Variants in SHC1 observed in about 807,000 individuals in gnomAD.
SHC1 encodes the protein SHC-transforming protein 1.
Under a neutral mutation model 55.9 loss-of-function variants are expected in SHC1, and 30 were observed. The ratio of observed to expected loss-of-function variants is 0.54; its 90% CI spans 0.40 to 0.73. SHC1 has a LOEUF of 0.73. Among genes scored for constraint, SHC1 ranks in the 30% least tolerant of loss-of-function variants. The probability of loss-of-function intolerance (pLI) is 0.00; values close to 1 mark genes in which losing one functional copy is unlikely to be tolerated. For synonymous variants in SHC1, 309 were observed against 306.1 expected (o/e 1.01, Z -0.10); for missense variants, 675 against 777.1 (o/e 0.87, Z 1.56).
chr1:154,965,442 C>A (rs746810133), intron 11 of SHC1, 101 bp downstream of exon 11: 4 of 1,612,780 alleles, frequency 2.5e-6, no homozygotes, highest in Non-Finnish European at 3.4e-6. Flanking sequence ...AGCTGCCCAG[C>A]GGGAATGTCT....
chr1:154,963,583 T>G lies in SHC1; in HGVS notation c.*220A>C, dbSNP rs1261392088. On this transcript the variant is annotated 3_prime_UTR_variant, in exon 12 of 12. Coordinates refer to ENST00000448116, the MANE Select transcript of SHC1 (RefSeq NM_001130040.2). ...CCAGGTGAGGGGCCACTCTGTACAT[T>G]AATACTTTGGTGATTAATGTTTGGG... is the stretch of plus-strand genomic sequence containing the variant. 3.8e-6 allele frequency: 2 copies of G among 527,662 alleles called. No individual in the cohort carries two copies. Among genetic ancestry groups the G allele is most frequent in the East Asian group, 6.5e-5 (2 of 30,906 alleles). 32.7% of individuals were successfully genotyped at this position (527,662 alleles called of 1,614,324 possible). A position where few individuals can be genotyped will look rare whatever the true frequency, so the allele number is the denominator to read the frequency against.
At chr1:154,974,340 C>T (rs545853241), upstream of SHC1, 227 of 292,426 alleles carry the variant, frequency 7.8e-4, no homozygotes, top group South Asian at 3.8e-4. Flanking sequence ...AACTTTCTCC[C>T]CGGGCCCTGC....
At chr1:154,970,761 A>C, upstream of SHC1, 1 of 444,748 alleles carries the variant, frequency 2.2e-6, no homozygotes, top group Non-Finnish European at 4.0e-6. The surrounding 1 kb of genome is among the most constrained non-coding windows in gnomAD (Gnocchi z 5.5). Flanking sequence ...TGAGAAGAGA[A>C]CAGGCTGGAC....
At chr1:154,967,174 G>T (rs1033537660) in intron 7 of SHC1, among the ~76,000 whole-genome samples, 2 of 151,874 alleles carry the variant, frequency 1.3e-5, no homozygotes, top group Non-Finnish European at 2.9e-5. Flanking sequence ...CACCATGTAG[G>T]GGGGTGGGGG....
At chr1:154,969,919 C>T (rs569743677) in intron 1 of SHC1, 113 bp downstream of exon 1, 2 of 1,204,118 alleles carry the variant, frequency 1.7e-6, no homozygotes, top group Admixed American at 1.9e-5. Flanking sequence ...AAATAGGACA[C>T]TGAAACGGGG....
intron 11 of SHC1, 39 bp from the exon 12 acceptor site, chr1:154,963,970 G>A (rs369189198): frequency 1.1e-5 from 17 of 1,611,830 alleles, no homozygotes; most frequent in South Asian, 7.7e-5. Flanking sequence ...TTCAGGTGAA[G>A]AGTCAAATAA....
At chr1:154,968,973 T>C in intron 2 of SHC1, 139 bp from the exon 3 acceptor site, 1 of 741,854 alleles carries the variant, frequency 1.3e-6, no homozygotes, top group East Asian at 2.6e-5. Flanking sequence ...TGGATTGAAT[T>C]AAGGGCCTTT....
rs1446946023 is a variant in SHC1, at chr1:154,963,377, GTTTAA to G, written c.*421_*425del. On this transcript the variant is annotated 3_prime_UTR_variant, in exon 12 of 12. Coordinates refer to ENST00000448116, the MANE Select transcript of SHC1 (RefSeq NM_001130040.2). ...CCTAAGAGATGGTCAAAGGCACAAA[GTTTAA>G]ACATGGGGGGGGCGGGTGTTGAGAG... The G allele has an allele frequency of 1.1e-3, 184 of 165,456 alleles. No homozygotes were observed. Among genetic ancestry groups the G allele is most frequent in the Admixed American group, 1.2e-3 (21 of 17,362 alleles). 10.2% of individuals were successfully genotyped at this position (165,456 alleles called of 1,614,324 possible). A position where few individuals can be genotyped will look rare whatever the true frequency, so the allele number is the denominator to read the frequency against.
chr1:154,971,680 A>G (rs12076073), upstream of SHC1, among the ~76,000 whole-genome samples: 23,739 of 152,230 alleles, frequency 0.16, 4,674 homozygotes, highest in African/African-American at 0.47. Flanking sequence ...CACACCAGGG[A>G]AGGAGCCTGG....
chr1:154,968,866 C>A (rs1656368017), intron 2 of SHC1, 32 bp from the exon 3 acceptor site: 2 of 1,590,784 alleles, frequency 1.3e-6, no homozygotes, highest in South Asian at 2.2e-5. Flanking sequence ...GACCCAGCGC[C>A]TGCCTGCCTG....
In SHC1 at chr1:154,966,078, C is replaced by T. The variant is rs1257318094; in HGVS notation, c.1255G>A (p.Gly419Ser). 1.9e-6 allele frequency: 3 copies of T among 1,614,018 alleles called. No homozygotes were observed. Among genetic ancestry groups the T allele is most frequent in the Admixed American group, 1.7e-5 (1 of 60,008 alleles). ...GAGGGATCATCAAAAAGCTCTCTGC[C>T]TGCTGAGGAAAGGGAGGCTCTACAG... The part of the protein sequence containing the change: ...QMPPPPPCPA[G>S]RELFDDPSYV... The change falls in exon 10 of 12, where the codon GGC (glycine) becomes AGC (serine). Residue 419 changes from glycine (G) to serine (S), a missense_variant and splice_region_variant. Coordinates refer to ENST00000448116, the MANE Select transcript of SHC1 (RefSeq NM_001130040.2).
upstream of SHC1, chr1:154,973,269 A>C (rs1656917489): frequency 6.6e-6 from 1 of 152,174 alleles, no homozygotes; most frequent in Non-Finnish European, 1.5e-5. Context: ...CTAACACTTA[A>C]GGAGGCTGAT....
chr1:154,965,343 C>G (rs1205440962), intron 11 of SHC1, 200 bp downstream of exon 11: 1 of 1,540,528 alleles, frequency 6.5e-7, no homozygotes, highest in African/African-American at 1.4e-5. Flanking sequence ...GGCCCTGTGC[C>G]AGGACTATAA....
chr1:154,969,596 A>G, intron 1 of SHC1, 148 bp from the exon 2 acceptor site: 1 of 628,790 alleles, frequency 1.6e-6, no homozygotes, highest in Non-Finnish European at 2.9e-6. Flanking sequence ...TCCCACAACC[A>G]AGGTGAAAGA....
intron 10 of SHC1, 72 bp downstream of exon 10, chr1:154,965,873 GC>G: frequency 1.3e-6 from 2 of 1,575,946 alleles, no homozygotes; most frequent in Non-Finnish European, 1.7e-6. Context: ...GAAGGAAAGA[GC>G]AGATAGGCAG....
chr1:154,969,521 C>T, intron 1 of SHC1, 73 bp from the exon 2 acceptor site: 1 of 988,190 alleles, frequency 1.0e-6, no homozygotes, highest in Non-Finnish European at 1.6e-6. Flanking sequence ...GGCCCTAGGA[C>T]TTTACCCATA....
At position 154,967,743 on chromosome 1, in the gene SHC1, A is replaced by G. The variant is rs760944912; in HGVS notation, c.911T>C (p.Ile304Thr). ...GAAGCGCAACTCGAAGGCCTGGCCA[A>G]TGGTGCTGATGACATCCTGGGCAAG... ...EGLAQDVISTIGQAFELRFKQ... is the reference protein window; with the variant it reads ...EGLAQDVISTTGQAFELRFKQ... Residue 304 changes from isoleucine to threonine, a missense_variant, in exon 7 of 12, where the codon ATT becomes ACT. This residue lies in a region of SHC1 where 360 missense variants were observed against 371.1 expected (regional missense o/e 0.97). Transcript: ENST00000448116. 9 of 1,613,926 alleles carry G rather than the reference A, an allele frequency of 5.6e-6. No homozygotes were observed. The highest frequency in any genetic ancestry group is 1.1e-5 in the South Asian group (1 of 91,076).
chr1:154,967,630 C>T (rs368792148), intron 7 of SHC1, 41 bp downstream of exon 7: 1 of 1,604,262 alleles, frequency 6.2e-7, no homozygotes, highest in African/African-American at 1.3e-5. Flanking sequence ...CTTTCCTAAT[C>T]CTAATCCAAG....
At position 154,965,705 on chromosome 1, in the gene SHC1, G is replaced by A. The variant is rs1655869994; in HGVS notation, c.1464C>T (p.Pro488=). ...VSMAEQLRGE[P]WFHGKLSRRE... ...GCCGGCTCAGCTTCCCATGGAACCA[G>A]GGCTCCCCTCGGAGCTGCTCAGCCA... is the stretch of plus-strand genomic sequence containing the variant. The change falls in exon 11 of 12, where the codon CCC becomes CCT. Residue 488 remains proline, a synonymous_variant. Transcript: ENST00000448116. The A allele has an allele frequency of 6.2e-7, 1 of 1,614,048 alleles. No homozygotes were observed. The highest frequency in any genetic ancestry group is 8.5e-7 in the Non-Finnish European group (1 of 1,180,036).
Sources: gnomAD v4.1 joint callset for allele counts (sites outside exome capture counted in the v4.1 genomes callset) on GRCh38, gnomAD v4.1.1 for gene constraint, gnomAD v4.1.1 regional missense constraint, Gnocchi (gnomAD v3.1) non-coding constraint, MANE v1.5 for transcripts, NCBI Gene and HGNC (gene_info 2026-07-23, HGNC 2026-07-21) for gene names.